SCPEP1: variants seen among roughly 807,000 people sequenced by gnomAD.
The protein encoded by SCPEP1 is retinoid-inducible serine carboxypeptidase.
SCPEP1 carries 51 observed loss-of-function variants against 63.8 expected under a neutral mutation model. The observed-to-expected ratio is 0.80, with a 90% confidence interval of 0.64 to 1.01. The LOEUF (loss-of-function observed/expected upper bound fraction) is 1.01, where lower values mean the gene tolerates loss of function less well. Ranked by LOEUF, SCPEP1 falls within the 50% of genes least tolerant of loss-of-function variation. The probability of loss-of-function intolerance (pLI) is 0.00; values close to 1 mark genes in which losing one functional copy is unlikely to be tolerated. For missense variants in SCPEP1, 499 were observed against 554.9 expected, an observed-to-expected ratio of 0.90 and a Z score of 1.01; for synonymous variants, 204 against 207.8, an observed-to-expected ratio of 0.98 and a Z score of 0.16.
chr17:56,986,172 G>A (rs945247138), intron 3 of SCPEP1, among the ~76,000 whole-genome samples: 1 of 151,608 alleles, frequency 6.6e-6, no homozygotes, highest in East Asian at 1.9e-4. Context: ...ACTTTCCTCA[G>A]TGCTCCTCCT....
chr17:56,983,013 C>T (rs1911113493), intron 2 of SCPEP1: 1 of 152,158 alleles, frequency 6.6e-6, no homozygotes, highest in Admixed American at 6.5e-5. Flanking sequence ...GAAGTCATGT[C>T]TTCTGAGTGG....
intron 5 of SCPEP1, among the ~76,000 whole-genome samples, chr17:56,988,781 CATAAAA>C (rs1351472658): frequency 1.3e-5 from 2 of 149,852 alleles, no homozygotes; most frequent in Non-Finnish European, 3.0e-5. Flanking sequence ...AAAATCTAAA[CATAAAA>C]ATAAAAATAA....
At position 57,005,121 on chromosome 17, in the gene SCPEP1, C is replaced by T. The variant is rs143103061; in HGVS notation, c.1297-1052C>T. Among the ~76,000 whole-genome samples the T allele has an allele frequency of 3.1e-4, 47 of 152,310 alleles. No individual in the cohort carries two copies. In the East Asian group the frequency reaches 8.7e-3, roughly 28 times the overall value. On this transcript the variant is annotated intron_variant, in intron 12 of 12. Coordinates refer to ENST00000262288, the MANE Select transcript of SCPEP1 (RefSeq NM_021626.3). ...ATGCAGAAATAAACTGTGTGTTGTG[C>T]GCCTGCATTTTGAATGCAGCCGCCC...
intron 9 of SCPEP1, among the ~76,000 whole-genome samples, chr17:56,997,633 A>C (rs2144501815): frequency 6.6e-6 from 1 of 152,316 alleles, no homozygotes; most frequent in Non-Finnish European, 1.5e-5. Context: ...AGGTTGGTGC[A>C]AAAGTAACTG....
rs960806338 is a variant in SCPEP1 at position 57,006,121 on chromosome 17, C to T, written c.1297-52C>T. On this transcript the variant is annotated intron_variant, in intron 12 of 12. Transcript: ENST00000262288. ...GGTTTCAGGATGTTGCCTCTGACCC[C>T]AGCCCCAGGAATAGCACCAGGAGCA... 5.3e-5 allele frequency: 79 copies of T among 1,479,404 alleles called. No individual in the cohort carries two copies. The South Asian group carries it at 9.0e-4, about 17-fold the overall frequency. 91.6% of individuals were successfully genotyped at this position (1,479,404 alleles called of 1,614,324 possible).
rs1297188952 is a variant in SCPEP1, at chr17:56,994,966, T to C, written c.620-15T>C. 19 of 1,609,332 alleles carry C rather than the reference T, an allele frequency of 1.2e-5. No homozygotes were observed. Among genetic ancestry groups the C allele is most frequent in the Non-Finnish European group, 1.2e-5 (14 of 1,175,746 alleles). On this transcript the variant is annotated splice_polypyrimidine_tract_variant and intron_variant, in intron 6 of 12. Transcript: ENST00000262288. ...GTATGACATACTTGATTTGTACATA[T>C]GTGATTTCCTTTAGATTCGGTGCTC...
chr17:56,997,420 G>GA (rs2144501480), intron 9 of SCPEP1, among the ~76,000 whole-genome samples: 1 of 152,304 alleles, frequency 6.6e-6, no homozygotes, highest in East Asian at 1.9e-4. Flanking sequence ...CACATAGCAT[G>GA]ATGTTTTTGA....
chr17:57,000,993 G>C lies in SCPEP1; in HGVS notation c.1132+1G>C. ...CTGGATCTCATCGTAGATACCATGG[G>C]TAGGAATTGACTCTGAGAGGCACCT... On this transcript the variant is annotated splice_donor_variant, in intron 11 of 12. Coordinates refer to ENST00000262288, the MANE Select transcript of SCPEP1 (RefSeq NM_021626.3). LOFTEE classifies it high-confidence loss of function. 6.2e-7 allele frequency: 1 copy of C among 1,614,180 alleles called. No individual in the cohort carries two copies. The highest frequency in any genetic ancestry group is 1.7e-5 in the Admixed American group (1 of 60,008).
intron 9 of SCPEP1, 28 bp from the exon 10 acceptor site, chr17:56,998,357 G>T (rs770315601): frequency 5.4e-5 from 72 of 1,344,340 alleles, no homozygotes; most frequent in Middle Eastern, 1.8e-4. Flanking sequence ...CCAGCCCTTT[G>T]ACTCACTATC....
Position 57,002,663 on chromosome 17 carries a change from C to T in SCPEP1, c.1296+482C>T, listed in dbSNP as rs532049593. ...TGGAGGCTGCAGTGAGCCGAGATAG[C>T]ACCACTGCACTCCAGCCTGGGCAAC... On this transcript the variant is annotated intron_variant, in intron 12 of 12. Coordinates refer to ENST00000262288, the MANE Select transcript of SCPEP1 (RefSeq NM_021626.3). Among the ~76,000 whole-genome samples, 336 of 152,106 alleles carry T rather than the reference C, an allele frequency of 2.2e-3. 1 individual carries two copies. The highest frequency in any genetic ancestry group is 7.2e-3 in the African/African-American group (300 of 41,498).
chr17:57,003,162 G>A (rs564147345), intron 12 of SCPEP1, among the ~76,000 whole-genome samples: 1 of 152,236 alleles, frequency 6.6e-6, no homozygotes, highest in East Asian at 1.9e-4. Context: ...GAGGTGGGGA[G>A]CATGGAGAGC....
At chr17:57,003,226 T>C (rs1911793094) in intron 12 of SCPEP1, among the ~76,000 whole-genome samples, 1 of 152,084 alleles carries the variant, frequency 6.6e-6, no homozygotes, top group Admixed American at 6.6e-5. Context: ...GAATGGACAC[T>C]GGAGGGAGGT....
intron 12 of SCPEP1, among the ~76,000 whole-genome samples, chr17:57,005,922 A>C (rs189470105): frequency 6.6e-6 from 1 of 152,288 alleles, no homozygotes; most frequent in Admixed American, 6.5e-5. Context: ...AATGGAGTAG[A>C]AGGTTCTTGT....
At chr17:56,996,852 A>G in intron 8 of SCPEP1, 110 bp from the exon 9 acceptor site, 1 of 629,100 alleles carries the variant, frequency 1.6e-6, no homozygotes, top group Non-Finnish European at 2.7e-6. Flanking sequence ...AAGCAGATAT[A>G]CAAAATTAAA....
At chr17:57,006,133 T>G in intron 12 of SCPEP1, 40 bp from the exon 13 acceptor site, 1 of 1,538,078 alleles carries the variant, frequency 6.5e-7, no homozygotes, top group African/African-American at 1.4e-5. Flanking sequence ...GCCCCAGGAA[T>G]AGCACCAGGA....
intron 6 of SCPEP1, among the ~76,000 whole-genome samples, chr17:56,992,877 T>C (rs1394330654): frequency 6.6e-6 from 1 of 152,218 alleles, no homozygotes; most frequent in Non-Finnish European, 1.5e-5. Context: ...GCAAGTGTTA[T>C]TCATTGTGTT....
At chr17:56,981,433 C>CTT (rs1911065826) in intron 2 of SCPEP1, among the ~76,000 whole-genome samples, 1 of 152,138 alleles carries the variant, frequency 6.6e-6, no homozygotes, top group Non-Finnish European at 1.5e-5. Context: ...GGGTTCTAGC[C>CTT]TTTTGCCAGA....
At chr17:57,003,118 C>G (rs551349508) in intron 12 of SCPEP1, among the ~76,000 whole-genome samples, 1 of 151,866 alleles carries the variant, frequency 6.6e-6, no homozygotes, top group South Asian at 2.1e-4. Flanking sequence ...TTGTGCCCCA[C>G]GTGATGCGTA....
chr17:56,983,495 C>T (rs528891291), intron 2 of SCPEP1: 9 of 152,272 alleles, frequency 5.9e-5, no homozygotes, highest in East Asian at 3.9e-4. Context: ...CATCATTTTT[C>T]GTAGTTCATG....
Sources: gnomAD v4.1 joint callset for allele counts (sites outside exome capture counted in the v4.1 genomes callset) on GRCh38, gnomAD v4.1.1 for gene constraint, MANE v1.5 for transcripts, NCBI Gene and HGNC (gene_info 2026-07-23, HGNC 2026-07-21) for gene names.